The following CCDC22 variants were observed in gnomAD, a reference collection of about 807,000 sequenced individuals.
CCDC22 encodes CCC complex scaffolding subunit CCDC22, also known as coiled-coil domain-containing protein 22.
Under a neutral mutation model 53.1 loss-of-function variants are expected in CCDC22, and 4 were observed. The ratio of observed to expected loss-of-function variants is 0.08; its 90% CI spans 0.04 to 0.17. The LOEUF is 0.17. Ranked by LOEUF, CCDC22 falls within the 10% of genes least tolerant of loss-of-function variation. CCDC22 has a pLI of 1.00. For synonymous variants in CCDC22, 222 were observed against 224.4 expected (o/e 0.99, Z 0.10); for missense variants, 458 against 554.0 (o/e 0.83, Z 1.74).
chrX:49,250,420 G>A lies in CCDC22; in HGVS notation c.*159G>A. On this transcript the variant is annotated 3_prime_UTR_variant, in exon 17 of 17. Transcript: ENST00000376227. ...GCCCACTGACCGCAACCCTTATATG[G>A]GGTGATAGTCCAGCATGTGGGGAGC... 1 of 511,316 alleles carries A rather than the reference G, an allele frequency of 2.0e-6. No individual in the cohort carries two copies. Among genetic ancestry groups the A allele is most frequent in the East Asian group, 3.7e-5 (1 of 27,366 alleles). 42.1% of individuals were successfully genotyped at this position (511,316 alleles called of 1,213,427 possible).
intron 9 of CCDC22, 140 bp from the exon 10 acceptor site, chrX:49,248,051 G>A: frequency 1.8e-6 from 2 of 1,095,100 alleles, no homozygotes; most frequent in African/African-American, 3.6e-5. Flanking sequence ...GGGTCTGCAT[G>A]GACAGGGGAT....
Position 49,242,328 on chromosome X carries a change from AG to A in CCDC22, c.361+185del, listed in dbSNP as rs1352378704. The stretch of plus-strand genomic sequence containing the variant: ...AGAGAGGGGCTACAGGGCAGGGGGC[AG>A]GGGGCTGAGGTTGAGCTGACCCCGG... On this transcript the variant is annotated intron_variant, in intron 3 of 16. Coordinates refer to ENST00000376227, the MANE Select transcript of CCDC22 (RefSeq NM_014008.5). 4 of 748,084 alleles carry A rather than the reference AG, an allele frequency of 5.3e-6. No individual in the cohort carries two copies. The African/African-American group carries it at 9.4e-5, about 18-fold the overall frequency. 61.7% of individuals were successfully genotyped at this position (748,084 alleles called of 1,213,427 possible).
chrX:49,242,266 G>A, intron 3 of CCDC22, 118 bp downstream of exon 3: 1 of 1,115,539 alleles, frequency 9.0e-7, no homozygotes, highest in East Asian at 3.2e-5. Flanking sequence ...GTGGCGGTAT[G>A]TGCCTTCAGG....
chrX:49,242,423 C>T, intron 3 of CCDC22: 1 of 561,609 alleles, frequency 1.8e-6, no homozygotes, highest in East Asian at 1.7e-4. Flanking sequence ...TCACTTCGCT[C>T]TAACCACTTG....
intron 3 of CCDC22, 119 bp from the exon 4 acceptor site, chrX:49,242,767 C>T (rs2065970156): frequency 2.3e-6 from 1 of 429,255 alleles, no homozygotes; most frequent in Non-Finnish European, 4.0e-6. Flanking sequence ...CGTGAGAACG[C>T]AAGCTGGATA....
chrX:49,245,931 CAAT>C (rs2065986727), intron 6 of CCDC22, among the ~76,000 whole-genome samples: 1 of 110,605 alleles, frequency 9.0e-6, no homozygotes, highest in Non-Finnish European at 1.9e-5. Flanking sequence ...ATGAAGTTAA[CAAT>C]AATATCTTGT....
intron 16 of CCDC22, among the ~76,000 whole-genome samples, 190 bp from the exon 17 acceptor site, chrX:49,249,958 T>C (rs1415794355): frequency 8.9e-6 from 1 of 112,355 alleles, no homozygotes; most frequent in Non-Finnish European, 1.9e-5. Flanking sequence ...CTTAAAGATG[T>C]AGGGGGAATC....
At position 49,246,883 on chromosome X, in the gene CCDC22, G is replaced by A; in HGVS notation, c.867G>A (p.Lys289=). The change falls in exon 7 of 17, where the codon AAG becomes AAA. Residue 289 remains lysine, a synonymous_variant. Transcript: ENST00000376227. Reference sequence around the variant, plus strand: ...CTGGGGCCAAGACTGGTGCTCCTAAGGGCTCCCGCTTCACGCACTCAGAGA... The same window carrying A: ...CTGGGGCCAAGACTGGTGCTCCTAAAGGCTCCCGCTTCACGCACTCAGAGA... The part of the protein sequence containing the change: ...WGAGAKTGAP[K]GSRFTHSEKF... 1 of 1,200,589 alleles carries A rather than the reference G, an allele frequency of 8.3e-7. No homozygotes were observed. Among genetic ancestry groups the A allele is most frequent in the South Asian group, 1.8e-5 (1 of 55,066 alleles).
chrX:49,235,515 C>A lies in CCDC22; in HGVS notation c.-122C>A. 3 of 658,187 alleles carry A rather than the reference C, an allele frequency of 4.6e-6. No individual in the cohort carries two copies. The highest frequency in any genetic ancestry group is 2.7e-5 in the Admixed American group (1 of 37,719). The allele number at this position is 658,187 out of a possible 1,213,427, so 54.2% of individuals were successfully genotyped here. On this transcript the variant is annotated 5_prime_UTR_variant, in exon 1 of 17. Coordinates refer to ENST00000376227, the MANE Select transcript of CCDC22 (RefSeq NM_014008.5). ...TCGCTCACAGAACTACACTTTCCAACTCTCCCCACACGACCCGTGACACTC... is the reference window on the plus strand; with the variant it reads ...TCGCTCACAGAACTACACTTTCCAAATCTCCCCACACGACCCGTGACACTC...
Position 49,243,382 on chromosome X carries a change from C to A in CCDC22, c.634C>A (p.Leu212Met). The change falls in exon 6 of 17, where the codon CTG (leucine) becomes ATG (methionine). Residue 212 changes from leucine (L) to methionine (M), a missense_variant. This residue lies in a region of CCDC22 where 309 missense variants were observed against 312.3 expected (regional missense o/e 0.99). Coordinates refer to ENST00000376227, the MANE Select transcript of CCDC22 (RefSeq NM_014008.5). ...RVASLLEHHA[L>M]QLCQQTGRDR... The stretch of plus-strand genomic sequence containing the variant: ...GGCCTCGCTCCTCGAACACCATGCC[C>A]TGCAGCTCTGCCAGCAGACGGGCCG... The A allele has an allele frequency of 8.3e-7, 1 of 1,205,465 alleles. No homozygotes were observed. Among genetic ancestry groups the A allele is most frequent in the African/African-American group, 1.7e-5 (1 of 57,836 alleles).
At chrX:49,245,285 T>C (rs1450357142) in intron 6 of CCDC22, among the ~76,000 whole-genome samples, 11 of 111,969 alleles carry the variant, frequency 9.8e-5, no homozygotes, top group Middle Eastern at 4.6e-3. Flanking sequence ...TCCACCTCTG[T>C]GTCGGCCCCC....
intron 3 of CCDC22, 90 bp from the exon 4 acceptor site, chrX:49,242,796 G>A (rs193267653): frequency 2.2e-5 from 11 of 497,536 alleles, no homozygotes; most frequent in Admixed American, 2.2e-4. Flanking sequence ...TCTCTGGATG[G>A]GGGTCAGGAG....
intron 15 of CCDC22, 36 bp from the exon 16 acceptor site, chrX:49,249,615 G>GGGGGGGGGGGGGGGGGA: frequency 4.9e-6 from 2 of 406,790 alleles, no homozygotes; most frequent in Non-Finnish European, 9.0e-6. Flanking sequence ...GGGTGGGTGG[G>GGGGGGGGGGGGGGGGGA]ACTGGGTGCA....
At chrX:49,247,406 C>T in intron 7 of CCDC22, 90 bp from the exon 8 acceptor site, 1 of 876,047 alleles carries the variant, frequency 1.1e-6, no homozygotes. Context: ...GCATGCCGCA[C>T]TGGGGGCAGT....
In CCDC22 at chrX:49,250,086, G is replaced by C; in HGVS notation, c.1771-62G>C. The C allele has an allele frequency of 8.6e-6, 6 of 701,399 alleles. No individual in the cohort carries two copies. In the South Asian group the frequency reaches 1.4e-4, roughly 17 times the overall value. 57.8% of individuals were successfully genotyped at this position (701,399 alleles called of 1,213,427 possible). ...CCCAGAGTGGCTGTGATGGGGGCTG[G>C]TGAGCAGGAGCTGGGAAAGGGGCTG... On this transcript the variant is annotated intron_variant, in intron 16 of 16. Coordinates refer to ENST00000376227, the MANE Select transcript of CCDC22 (RefSeq NM_014008.5).
At position 49,235,677 on chromosome X, in the gene CCDC22, A is replaced by T. The variant is rs782691478; in HGVS notation, c.41A>T (p.Gln14Leu). The change falls in exon 1 of 17, where the codon CAG becomes CTG. Residue 14 changes from glutamine to leucine, a missense_variant. Gln to Leu is a moderately radical substitution (Grantham distance 113). This residue lies in a region of CCDC22 where 55 missense variants were observed against 106.0 expected (regional missense o/e 0.52). Transcript: ENST00000376227. Reference protein sequence around the residue: ...ADRILIHSLRQAGTAVPPDVQ... With the variant: ...ADRILIHSLRLAGTAVPPDVQ... ...CGAATCCTCATCCATTCGCTGCGCC[A>T]GGCCGGCACGTAAGGACAGAGCCCC... 7.6e-6 allele frequency: 9 copies of T among 1,183,824 alleles called. No homozygotes were observed. Among genetic ancestry groups the T allele is most frequent in the Non-Finnish European group, 9.1e-6 (8 of 882,391 alleles).
chrX:49,239,042 C>G (rs970351636), intron 2 of CCDC22, among the ~76,000 whole-genome samples: 1 of 110,933 alleles, frequency 9.0e-6, no homozygotes, highest in East Asian at 2.8e-4. Context: ...GTGGCACAAT[C>G]TCGGCTTACT....
intron 9 of CCDC22, 116 bp from the exon 10 acceptor site, chrX:49,248,075 G>A: frequency 8.6e-7 from 1 of 1,165,149 alleles, no homozygotes; most frequent in East Asian, 3.0e-5. Flanking sequence ...GGGGTCCTCG[G>A]GGTCCTTGGC....
intron 3 of CCDC22, among the ~76,000 whole-genome samples, chrX:49,242,562 C>A (rs1326610761): frequency 9.0e-6 from 1 of 111,550 alleles, no homozygotes; most frequent in Non-Finnish European, 1.9e-5. Flanking sequence ...ACCTCCTCTC[C>A]GCAGCCCTCT....
Sources: gnomAD v4.1 joint callset for allele counts (sites outside exome capture counted in the v4.1 genomes callset) on GRCh38, gnomAD v4.1.1 for gene constraint, gnomAD v4.1.1 regional missense constraint, MANE v1.5 for transcripts, NCBI Gene and HGNC (gene_info 2026-07-23, HGNC 2026-07-21) for gene names.